TMEM108: variants seen among roughly 807,000 people sequenced by gnomAD.
TMEM108 encodes cancer/testis antigen 124.
A neutral mutation model predicts 35.1 loss-of-function variants in TMEM108; 12 were observed. That is an observed-to-expected ratio of 0.34 (90% CI 0.22 to 0.55). The LOEUF (loss-of-function observed/expected upper bound fraction) is 0.55. Ranked by LOEUF, TMEM108 falls within the 20% of genes least tolerant of loss-of-function variation. TMEM108 has a pLI of 0.89. For synonymous variants in TMEM108, 287 were observed against 308.6 expected (o/e 0.93, Z 0.73); for missense variants, 680 against 753.3 (o/e 0.90, Z 1.14).
At chr3:133,123,091 A>G (rs2107736044) in intron 2 of TMEM108, among the ~76,000 whole-genome samples, 1 of 152,332 alleles carries the variant, frequency 6.6e-6, no homozygotes, top group South Asian at 2.1e-4. Flanking sequence ...TTACATGTGT[A>G]TGTACGGATA....
chr3:133,062,358 AC>A lies in TMEM108; in HGVS notation c.-47+16339del, dbSNP rs148771085. On this transcript the variant is annotated intron_variant, in intron 2 of 5. Transcript: ENST00000321871. Reference sequence around the variant, plus strand: ...TTTTCTTTAGGCTCAGAGAATAAAAACATCTGTCTCTAGCTAATGGACCAGT... The same window carrying A: ...TTTTCTTTAGGCTCAGAGAATAAAAAATCTGTCTCTAGCTAATGGACCAGT... 7.2e-5 allele frequency among the ~76,000 whole-genome samples: 11 copies of A among 152,364 alleles called. No homozygotes were observed. The East Asian group carries it at 2.1e-3, about 29-fold the overall frequency.
At chr3:133,196,566 G>A (rs1373736622) in intron 2 of TMEM108, among the ~76,000 whole-genome samples, 1 of 152,180 alleles carries the variant, frequency 6.6e-6, no homozygotes, top group Non-Finnish European at 1.5e-5. Context: ...TGGGAGTCTA[G>A]TCAAAGGAAA....
intron 2 of TMEM108, among the ~76,000 whole-genome samples, chr3:133,115,887 A>T (rs186981180): frequency 5.8e-4 from 88 of 152,308 alleles, no homozygotes; most frequent in African/African-American, 2.0e-3. Context: ...AAAGGATAGA[A>T]TCATTGCCAT....
intron 2 of TMEM108, among the ~76,000 whole-genome samples, chr3:133,169,715 G>A (rs925114682): frequency 6.6e-6 from 1 of 152,128 alleles, no homozygotes; most frequent in Non-Finnish European, 1.5e-5. Context: ...CCTCCATCTT[G>A]GCTCTAGTTG....
chr3:133,203,655 A>G (rs1036474087), intron 2 of TMEM108, among the ~76,000 whole-genome samples: 2 of 152,302 alleles, frequency 1.3e-5, no homozygotes, highest in South Asian at 2.1e-4. Context: ...CGACTTGATC[A>G]TGGTGGATAA....
At chr3:133,305,962 C>T (rs1365662912) in intron 3 of TMEM108, among the ~76,000 whole-genome samples, 2 of 151,892 alleles carry the variant, frequency 1.3e-5, no homozygotes, top group Non-Finnish European at 1.5e-5. Flanking sequence ...TGAGTTGTAA[C>T]AGTTCATTAT....
intron 3 of TMEM108, among the ~76,000 whole-genome samples, chr3:133,268,916 G>C (rs932274789): frequency 9.2e-5 from 14 of 152,180 alleles, no homozygotes; most frequent in African/African-American, 3.4e-4. Flanking sequence ...TCTTTTCTGG[G>C]ATTAGATGTG....
chr3:133,384,148 CAG>C (rs765595681), intron 4 of TMEM108, among the ~76,000 whole-genome samples: 34 of 152,340 alleles, frequency 2.2e-4, no homozygotes, highest in Non-Finnish European at 3.7e-4. Context: ...TGGACCTTCT[CAG>C]TGGCTTCATT....
intron 2 of TMEM108, among the ~76,000 whole-genome samples, chr3:133,069,539 T>C (rs568712835): frequency 1.3e-5 from 2 of 152,258 alleles, no homozygotes; most frequent in Admixed American, 1.3e-4. Context: ...TACAGGAACT[T>C]AAGGTCCAGT....
At chr3:133,150,170 T>C (rs1388070641) in intron 2 of TMEM108, among the ~76,000 whole-genome samples, 1 of 152,170 alleles carries the variant, frequency 6.6e-6, no homozygotes, top group Non-Finnish European at 1.5e-5. Context: ...GACTTTTTGA[T>C]AACAGCCTTT....
chr3:133,374,558 AT>A (rs1455182487), intron 3 of TMEM108, among the ~76,000 whole-genome samples: 2 of 122,288 alleles, frequency 1.6e-5, no homozygotes, highest in African/African-American at 6.3e-5. Context: ...ATATATATAT[AT>A]ATATACACAC....
chr3:133,357,774 G>C (rs1007708288), intron 3 of TMEM108, among the ~76,000 whole-genome samples: 1 of 152,130 alleles, frequency 6.6e-6, no homozygotes, highest in Admixed American at 6.5e-5. Context: ...TGGGGACTCA[G>C]AGTGTAGGGG....
intron 3 of TMEM108, among the ~76,000 whole-genome samples, chr3:133,251,721 C>G (rs1176165982): frequency 6.6e-6 from 1 of 152,088 alleles, no homozygotes; most frequent in Non-Finnish European, 1.5e-5. Flanking sequence ...GTCACGTGGT[C>G]CTATCTAGAT....
chr3:133,085,702 C>T (rs1464912959), intron 2 of TMEM108, among the ~76,000 whole-genome samples: 1 of 151,908 alleles, frequency 6.6e-6, no homozygotes, highest in Non-Finnish European at 1.5e-5. Context: ...ATAAGATGTC[C>T]CATTAAGGTG....
intron 2 of TMEM108, among the ~76,000 whole-genome samples, chr3:133,199,136 A>T (rs1199572812): frequency 6.6e-6 from 1 of 152,150 alleles, no homozygotes; most frequent in Admixed American, 6.5e-5. Flanking sequence ...TTTCAGCTCC[A>T]TCAGGTCCCT....
At chr3:133,357,817 A>C (rs1272309436) in intron 3 of TMEM108, among the ~76,000 whole-genome samples, 1 of 152,116 alleles carries the variant, frequency 6.6e-6, no homozygotes, top group Non-Finnish European at 1.5e-5. Context: ...ATAAAAGACT[A>C]CATACTGGGT....
intron 2 of TMEM108, among the ~76,000 whole-genome samples, chr3:133,149,827 A>AATAT (rs534383973): frequency 6.6e-6 from 1 of 151,130 alleles, no homozygotes; most frequent in Admixed American, 6.6e-5. Flanking sequence ...TACATAAGGG[A>AATAT]ATATATATAT....
chr3:133,201,660 A>G (rs1199446767), intron 2 of TMEM108, among the ~76,000 whole-genome samples: 2 of 152,082 alleles, frequency 1.3e-5, no homozygotes, highest in East Asian at 1.9e-4. Flanking sequence ...GTAGTATTCC[A>G]TGTTGTATAT....
chr3:133,131,984 TCC>T (rs1176351449), intron 2 of TMEM108, among the ~76,000 whole-genome samples: 1 of 152,126 alleles, frequency 6.6e-6, no homozygotes. Flanking sequence ...CAAAGCCTAA[TCC>T]AGAGTAAGGT....
Sources: gnomAD v4.1 joint callset for allele counts (sites outside exome capture counted in the v4.1 genomes callset) on GRCh38, gnomAD v4.1.1 for gene constraint, MANE v1.5 for transcripts, NCBI Gene and HGNC (gene_info 2026-07-23, HGNC 2026-07-21) for gene names.